ZNG1C: variants seen among roughly 807,000 people sequenced by gnomAD.
ZNG1C encodes Zn regulated GTPase metalloprotein activator 1C, also known as zinc-regulated GTPase metalloprotein activator 1C.
the ZNG1C span, among the ~76,000 whole-genome samples, chr9:68,294,719 T>C: frequency 7.7e-6 from 1 of 130,622 alleles, no homozygotes. Context: ...TTCCACCAGA[T>C]ATTCAAAGAA....
the ZNG1C span, chr9:68,298,781 AT>A: frequency 2.9e-6 from 2 of 688,312 alleles, no homozygotes; most frequent in Non-Finnish European, 4.3e-6. Context: ...TTTTTTGAAA[AT>A]TAAAAACATT....
chr9:68,294,449 C>T, the ZNG1C span, among the ~76,000 whole-genome samples: 1 of 57,668 alleles, frequency 1.7e-5, no homozygotes, highest in Non-Finnish European at 3.4e-5. Context: ...TCCAAATAAG[C>T]TCAATAAGAA....
chr9:68,299,229 T>C, the ZNG1C span: 2 of 1,567,500 alleles, frequency 1.3e-6, no homozygotes, highest in African/African-American at 2.7e-5. Context: ...TGTTTCATCT[T>C]TGTCACATTA....
the ZNG1C span, chr9:68,257,129 C>T: frequency 8.7e-7 from 1 of 1,148,372 alleles, no homozygotes; most frequent in South Asian, 1.6e-5. Context: ...TCTTTACCTC[C>T]TGGGTTCAAG....
the ZNG1C span, among the ~76,000 whole-genome samples, chr9:68,281,359 C>G: frequency 4.6e-5 from 7 of 150,606 alleles, no homozygotes. Flanking sequence ...CTTGGCTCCT[C>G]TCTCCTCTCT....
At chr9:68,272,460 T>C in the ZNG1C span, 2 of 78,588 alleles carry the variant, frequency 2.5e-5, no homozygotes, top group Non-Finnish European at 5.8e-5. Context: ...TCTTGGCGAT[T>C]TTAATGCTTT....
At chr9:68,256,013 C>T in the ZNG1C span, among the ~76,000 whole-genome samples, 1 of 152,186 alleles carries the variant, frequency 6.6e-6, no homozygotes, top group South Asian at 2.1e-4. Flanking sequence ...GATCTTGTGG[C>T]CCTTGCTATA....
the ZNG1C span, among the ~76,000 whole-genome samples, chr9:68,282,601 TAA>T: frequency 2.4e-5 from 2 of 82,190 alleles, no homozygotes. Context: ...ATGTAGTTTG[TAA>T]AAAAAAAAAA....
chr9:68,279,667 C>T, the ZNG1C span, among the ~76,000 whole-genome samples: 1 of 91,914 alleles, frequency 1.1e-5, no homozygotes, highest in African/African-American at 4.2e-5. Context: ...GAGTTTCTGC[C>T]AAGAGATCCG....
the ZNG1C span, chr9:68,264,624 TTTG>T: frequency 3.4e-4 from 1 of 2,980 alleles, no homozygotes; most frequent in Admixed American, 6.3e-3. Context: ...TCAAGGAAAA[TTTG>T]TTTTCTTTTT....
At chr9:68,295,530 A>G in the ZNG1C span, among the ~76,000 whole-genome samples, 1 of 151,056 alleles carries the variant, frequency 6.6e-6, no homozygotes, top group Non-Finnish European at 1.5e-5. Context: ...TAAACAGACA[A>G]CCCACAGAGA....
chr9:68,291,837 C>G, the ZNG1C span, among the ~76,000 whole-genome samples: 1 of 150,800 alleles, frequency 6.6e-6, no homozygotes, highest in Admixed American at 6.6e-5. Flanking sequence ...AACTGACACT[C>G]TCTGGAAAGT....
At chr9:68,281,326 C>T in the ZNG1C span, among the ~76,000 whole-genome samples, 17 of 152,144 alleles carry the variant, frequency 1.1e-4, no homozygotes, top group East Asian at 5.8e-4. Flanking sequence ...AGCTGTAGAC[C>T]GGAGCTGTTC....
chr9:68,281,609 G>A, the ZNG1C span, among the ~76,000 whole-genome samples: 1 of 89,838 alleles, frequency 1.1e-5, no homozygotes, highest in Non-Finnish European at 2.5e-5. Context: ...TAAAACTGAA[G>A]CTTTATACCC....
the ZNG1C span, chr9:68,273,868 G>A: frequency 1.3e-5 from 1 of 78,666 alleles, no homozygotes; most frequent in Non-Finnish European, 2.7e-5. Context: ...TTGAGGCGGA[G>A]TCTCACTCTG....
the ZNG1C span, chr9:68,247,496 T>G: frequency 6.3e-7 from 1 of 1,595,878 alleles, no homozygotes; most frequent in Non-Finnish European, 8.5e-7. Flanking sequence ...AGTGAAAGAA[T>G]ATAAGTTATA....
chr9:68,293,964 A>T, the ZNG1C span, among the ~76,000 whole-genome samples: 2 of 148,700 alleles, frequency 1.3e-5, no homozygotes, highest in Admixed American at 6.7e-5. Flanking sequence ...ATTTTAAGAA[A>T]ATTAAAATTA....
chr9:68,299,221 T>C, the ZNG1C span: 1 of 1,561,786 alleles, frequency 6.4e-7, no homozygotes, highest in East Asian at 2.2e-5. Context: ...GTGGTCAATG[T>C]TTCATCTTTG....
the ZNG1C span, chr9:68,247,464 G>A: frequency 2.1e-6 from 3 of 1,432,740 alleles, no homozygotes; most frequent in Non-Finnish European, 2.9e-6. Context: ...CTGTAATTTA[G>A]GTATCAAGGC....
Sources: gnomAD v4.1 joint callset for allele counts (sites outside exome capture counted in the v4.1 genomes callset) on GRCh38, gnomAD v4.1.1 for gene constraint, MANE v1.5 for transcripts, NCBI Gene and HGNC (gene_info 2026-07-23, HGNC 2026-07-21) for gene names.